UBXN11: variants seen among roughly 807,000 people sequenced by gnomAD.
UBXN11 encodes the protein UBX domain protein 11.
In UBXN11, 47 loss-of-function variants were observed where a neutral mutation model predicts 62.8. The ratio of observed to expected loss-of-function variants is 0.75; its 90% CI spans 0.59 to 0.95. The LOEUF (loss-of-function observed/expected upper bound fraction) is 0.95. UBXN11 is among the 40% of genes least tolerant of loss of function. The probability of loss-of-function intolerance (pLI) is 0.00; values close to 1 mark genes in which losing one functional copy is unlikely to be tolerated. For synonymous variants in UBXN11, 294 were observed against 267.0 expected (o/e 1.10, Z -0.99); for missense variants, 638 against 661.7 (o/e 0.96, Z 0.39).
rs574265618 is a variant in UBXN11, at chr1:26,285,029, C to T, written c.852+435G>A. 177 of 1,005,226 alleles carry T rather than the reference C, an allele frequency of 1.8e-4. No homozygotes were observed. The African/African-American group carries it at 2.7e-3, about 15-fold the overall frequency. 62.3% of individuals were successfully genotyped at this position (1,005,226 alleles called of 1,614,324 possible). On this transcript the variant is annotated intron_variant, in intron 10 of 14. Transcript: ENST00000374222. ...AGCCTCATGGGCTCTGGTGGTGGCA[C>T]CTACCCATGGGGCCAGCTCTACCTC...
In UBXN11 at chr1:26,284,242, G is replaced by C. The variant is rs765232636; in HGVS notation, c.977C>G (p.Ser326Cys). 6.2e-6 allele frequency: 10 copies of C among 1,611,654 alleles called. No individual in the cohort carries two copies. The highest frequency in any genetic ancestry group is 2.2e-5 in the East Asian group (1 of 44,816). ...ALDRVEEHPG[S>C]RMTAEKFLNR... Reference sequence around the variant, plus strand: ...CAGAAATTTCTCAGCAGTCATCCTGGAGCCTACAGGCAGAGTTGGGAACCG... The same window carrying C: ...CAGAAATTTCTCAGCAGTCATCCTGCAGCCTACAGGCAGAGTTGGGAACCG... Residue 326 changes from serine (S) to cysteine (C), a missense_variant, in exon 12 of 15, where the codon TCC becomes TGC. Transcript: ENST00000374222.
upstream of UBXN11, among the ~76,000 whole-genome samples, chr1:26,308,549 T>G (rs2073706910): frequency 6.6e-6 from 1 of 152,192 alleles, no homozygotes; most frequent in Non-Finnish European, 1.5e-5. Context: ...AGCTCTCTTG[T>G]TGCTGAGCTG....
At chr1:26,293,643 T>C (rs1419814456) in intron 8 of UBXN11, among the ~76,000 whole-genome samples, 1 of 146,902 alleles carries the variant, frequency 6.8e-6, no homozygotes, top group African/African-American at 2.5e-5. Context: ...GGAGAATTGC[T>C]TGAACCTGGG....
chr1:26,295,856 G>C (rs1047004182), intron 7 of UBXN11, among the ~76,000 whole-genome samples: 8 of 152,262 alleles, frequency 5.3e-5, no homozygotes, highest in Admixed American at 4.6e-4. Context: ...GCCCCAAGCA[G>C]ATCCTCCAGA....
At chr1:26,315,936 AG>A (rs2073786200) in intron 1 of UBXN11, among the ~76,000 whole-genome samples, 1 of 147,022 alleles carries the variant, frequency 6.8e-6, no homozygotes, top group Non-Finnish European at 1.5e-5. Context: ...CTGGGATTAC[AG>A]GCGTGAGCCA....
intron 1 of UBXN11, among the ~76,000 whole-genome samples, chr1:26,315,120 G>A (rs2073779885): frequency 6.6e-6 from 1 of 152,142 alleles, no homozygotes; most frequent in African/African-American, 2.4e-5. Flanking sequence ...TAAAATAATT[G>A]GAGAAGGGCT....
intron 12 of UBXN11, among the ~76,000 whole-genome samples, chr1:26,283,489 AC>A (rs1486215964): frequency 1.3e-5 from 2 of 152,116 alleles, no homozygotes; most frequent in African/African-American, 4.8e-5. Context: ...AGCATAAGGA[AC>A]CTGGCTTTAT....
At chr1:26,284,844 C>T (rs1014125873) in intron 10 of UBXN11, 7 of 1,038,220 alleles carry the variant, frequency 6.7e-6, no homozygotes, top group African/African-American at 1.7e-5. Context: ...TGTAACCTCA[C>T]TTGCCTTATC....
chr1:26,306,828 G>GT (rs2073679943), upstream of UBXN11: 3 of 71,428 alleles, frequency 4.2e-5, no homozygotes, highest in East Asian at 8.9e-4. Flanking sequence ...CCGGGGCGGG[G>GT]TGGGGGGGGG....
At chr1:26,305,459 T>A (rs2073643053) in intron 1 of UBXN11, among the ~76,000 whole-genome samples, 1 of 152,146 alleles carries the variant, frequency 6.6e-6, no homozygotes, top group African/African-American at 2.4e-5. Flanking sequence ...AAACAAACCC[T>A]GTACCCTTTG....
chr1:26,314,987 G>A (rs567156131), intron 1 of UBXN11, among the ~76,000 whole-genome samples: 5 of 152,220 alleles, frequency 3.3e-5, no homozygotes, highest in South Asian at 2.1e-4. Flanking sequence ...AGGATGAGGC[G>A]GGAGGATTGC....
rs1331275284 is a variant in UBXN11 at position 26,282,925 on chromosome 1, A to G, written c.1090T>C (p.Leu364=). The change falls in exon 13 of 15, where the codon TTG becomes CTG. Residue 364 remains leucine (L), a synonymous_variant. Coordinates refer to ENST00000374222, the MANE Select transcript of UBXN11 (RefSeq NM_001389556.1). ...IRDTLQNCCP[L]PARIQEIVVE... Reference sequence around the variant, plus strand: ...ACAATCTCCTGGATCCGGGCAGGCAATGGGCAGCAGTTCTGGAAGGTATCA... The same window carrying G: ...ACAATCTCCTGGATCCGGGCAGGCAGTGGGCAGCAGTTCTGGAAGGTATCA... 8.7e-6 allele frequency: 14 copies of G among 1,614,050 alleles called. No homozygotes were observed. The highest frequency in any genetic ancestry group is 1.2e-5 in the Non-Finnish European group (14 of 1,180,032).
At chr1:26,287,511 T>C (rs2073159999) in intron 8 of UBXN11, among the ~76,000 whole-genome samples, 1 of 151,928 alleles carries the variant, frequency 6.6e-6, no homozygotes, top group African/African-American at 2.4e-5. Context: ...AACACACCAA[T>C]AACTTTTGGG....
chr1:26,285,170 C>A, intron 10 of UBXN11: 1 of 1,194,286 alleles, frequency 8.4e-7, no homozygotes, highest in South Asian at 2.1e-5. Context: ...GCCACTTCTG[C>A]AGGGACCCCA....
At chr1:26,310,549 A>AAAAG (rs71004583), upstream of UBXN11, among the ~76,000 whole-genome samples, 5 of 93,574 alleles carry the variant, frequency 5.3e-5, no homozygotes, top group East Asian at 1.3e-3. Context: ...AAAAAAAAAA[A>AAAAG]GAAAGAAAGA....
intron 1 of UBXN11, among the ~76,000 whole-genome samples, chr1:26,317,274 T>A (rs2073805273): frequency 6.6e-6 from 1 of 151,972 alleles, no homozygotes; most frequent in African/African-American, 2.4e-5. Context: ...CACTAGGTTT[T>A]AACAAACTTC....
At chr1:26,299,602 G>A (rs1043482458) in intron 4 of UBXN11, among the ~76,000 whole-genome samples, 2 of 152,140 alleles carry the variant, frequency 1.3e-5, no homozygotes, top group African/African-American at 4.8e-5. Context: ...AGGGTAATGG[G>A]AGGGCAGCAG....
chr1:26,316,661 CCAGT>C (rs1359181854), intron 1 of UBXN11, among the ~76,000 whole-genome samples: 3 of 152,086 alleles, frequency 2.0e-5, no homozygotes, highest in Admixed American at 1.3e-4. Context: ...AGTTTTTTCA[CCAGT>C]CAAATGGGGA....
intron 6 of UBXN11, 120 bp downstream of exon 6, chr1:26,297,307 C>T: frequency 8.0e-7 from 1 of 1,244,454 alleles, no homozygotes; most frequent in East Asian, 2.6e-5. Context: ...TGTCCAGACC[C>T]CACCAAGTAG....
Sources: gnomAD v4.1 joint callset for allele counts (sites outside exome capture counted in the v4.1 genomes callset) on GRCh38, gnomAD v4.1.1 for gene constraint, MANE v1.5 for transcripts, NCBI Gene and HGNC (gene_info 2026-07-23, HGNC 2026-07-21) for gene names.